Variants in BCAR3 observed in about 807,000 individuals in gnomAD.
The protein encoded by BCAR3 is breast cancer anti-estrogen resistance protein 3.
A neutral mutation model predicts 80.1 loss-of-function variants in BCAR3; 37 were observed. That is an observed-to-expected ratio of 0.46 (90% CI 0.36 to 0.61). The LOEUF (loss-of-function observed/expected upper bound fraction) is 0.61, where lower values mean the gene tolerates loss of function less well. BCAR3 is among the 20% of genes least tolerant of loss of function. BCAR3 has a pLI of 0.00. For missense variants in BCAR3, 978 were observed against 1,068.2 expected (o/e 0.92, Z 1.18); for synonymous variants, 389 against 418.9 (o/e 0.93, Z 0.87).
At chr1:93,776,740 C>G (rs1652565673) in intron 2 of BCAR3, among the ~76,000 whole-genome samples, 1 of 152,058 alleles carries the variant, frequency 6.6e-6, no homozygotes, top group African/African-American at 2.4e-5. Flanking sequence ...GTAGGTAGAT[C>G]TAGACTTACT....
In BCAR3 at chr1:93,608,553, A is replaced by G. The variant is rs1312539720; in HGVS notation, c.358-16160T>C. On this transcript the variant is annotated intron_variant, in intron 3 of 11. Transcript: ENST00000260502. ...TGTTTAGCATGGCCCATCCCTCTGC[A>G]GTCCTGGAGGTGCTGAATCCACTAA... is the stretch of plus-strand genomic sequence containing the variant. 4.6e-5 allele frequency among the ~76,000 whole-genome samples: 7 copies of G among 152,200 alleles called. No homozygotes were observed. The South Asian group carries it at 6.2e-4, about 13-fold the overall frequency.
At chr1:93,654,497 A>C (rs1266597095) in intron 2 of BCAR3, among the ~76,000 whole-genome samples, 1 of 152,156 alleles carries the variant, frequency 6.6e-6, no homozygotes, top group Non-Finnish European at 1.5e-5. Context: ...CAGAGCTGAC[A>C]TCCTAAGTGG....
intron 3 of BCAR3, among the ~76,000 whole-genome samples, chr1:93,603,916 T>C (rs192594259): frequency 6.6e-6 from 1 of 152,340 alleles, no homozygotes; most frequent in Admixed American, 6.5e-5. Context: ...GACAAAGAAA[T>C]TGGCAGCAGA....
intron 3 of BCAR3, among the ~76,000 whole-genome samples, chr1:93,630,098 T>C (rs1200442020): frequency 2.6e-5 from 4 of 152,208 alleles, no homozygotes; most frequent in African/African-American, 9.7e-5. Flanking sequence ...TACAATTGGA[T>C]TGTTTGTAAC....
At chr1:93,710,288 T>G (rs1156794273) in intron 2 of BCAR3, among the ~76,000 whole-genome samples, 1 of 152,232 alleles carries the variant, frequency 6.6e-6, no homozygotes, top group African/African-American at 2.4e-5. Flanking sequence ...AGCTCTCTGC[T>G]GGGCCTGGCT....
At chr1:93,768,959 G>A (rs1652253447) in intron 2 of BCAR3, among the ~76,000 whole-genome samples, 1 of 152,208 alleles carries the variant, frequency 6.6e-6, no homozygotes, top group South Asian at 2.1e-4. Context: ...CTGCCACCCT[G>A]CTCAAGGACA....
At chr1:93,633,626 G>T (rs1018523276) in intron 3 of BCAR3, among the ~76,000 whole-genome samples, 2 of 151,998 alleles carry the variant, frequency 1.3e-5, no homozygotes, top group African/African-American at 4.8e-5. Flanking sequence ...GAAATACAAG[G>T]CTTTAACTTG....
intron 2 of BCAR3, among the ~76,000 whole-genome samples, chr1:93,746,734 G>A (rs1481874837): frequency 6.6e-6 from 1 of 152,072 alleles, no homozygotes; most frequent in Non-Finnish European, 1.5e-5. Context: ...CTTTAAAGGT[G>A]ATCCACACTC....
intron 11 of BCAR3, among the ~76,000 whole-genome samples, chr1:93,565,685 T>C (rs1335816657): frequency 6.6e-6 from 1 of 152,198 alleles, no homozygotes; most frequent in Admixed American, 6.5e-5. Context: ...TGTGCTTTTA[T>C]TGTTTGAGTA....
At chr1:93,696,194 A>T (rs562915226) in intron 3 of BCAR3, among the ~76,000 whole-genome samples, 2 of 152,216 alleles carry the variant, frequency 1.3e-5, no homozygotes, top group South Asian at 4.2e-4. Flanking sequence ...CACTGTGCCC[A>T]GCTCTGCCTC....
At chr1:93,673,125 A>G (rs887819443) in intron 2 of BCAR3, among the ~76,000 whole-genome samples, 1 of 152,178 alleles carries the variant, frequency 6.6e-6, no homozygotes, top group Non-Finnish European at 1.5e-5. Context: ...ATCCTACCAA[A>G]AACGTACCAC....
At chr1:93,802,935 A>G (rs1406242968) in intron 2 of BCAR3, among the ~76,000 whole-genome samples, 1 of 152,152 alleles carries the variant, frequency 6.6e-6, no homozygotes, top group Non-Finnish European at 1.5e-5. Context: ...CAACCAACTA[A>G]TCGTGTTCAG....
chr1:93,734,409 G>T (rs1315529563), intron 2 of BCAR3, among the ~76,000 whole-genome samples: 1 of 152,226 alleles, frequency 6.6e-6, no homozygotes, highest in African/African-American at 2.4e-5. Context: ...TGAGCTGGAA[G>T]GAAATGGTGG....
intron 3 of BCAR3, among the ~76,000 whole-genome samples, chr1:93,694,600 T>C (rs1353617463): frequency 6.6e-6 from 1 of 152,180 alleles, no homozygotes; most frequent in Non-Finnish European, 1.5e-5. Flanking sequence ...TATGCCTTCT[T>C]AATATCAACC....
chr1:93,588,934 C>A, intron 5 of BCAR3, 43 bp downstream of exon 5: 2 of 1,504,438 alleles, frequency 1.3e-6, no homozygotes, highest in South Asian at 1.3e-5. Flanking sequence ...ACCTTGGGCA[C>A]CCCGGCGCCC....
chr1:93,582,541 GTCA>G lies in BCAR3; in HGVS notation c.1443_1445del (p.Asp482del). The G allele has an allele frequency of 6.2e-7, 1 of 1,613,630 alleles. No homozygotes were observed. Among genetic ancestry groups the G allele is most frequent in the Non-Finnish European group, 8.5e-7 (1 of 1,179,822 alleles). On this transcript the variant is annotated inframe_deletion, in exon 7 of 12. Transcript: ENST00000260502. ...CCGCAGGTTCCCAAGGTCTTTCCCT[GTCA>G]TCATCATCAAGGATCAAGTAGTTGA...
At chr1:93,644,754 G>A (rs111846875) in intron 2 of BCAR3, among the ~76,000 whole-genome samples, 189 of 152,324 alleles carry the variant, frequency 1.2e-3, no homozygotes, top group African/African-American at 4.1e-3. Context: ...CTGGAGCTAA[G>A]GTACCAGCCA....
chr1:93,655,016 T>C (rs1223286042), intron 2 of BCAR3, among the ~76,000 whole-genome samples: 1 of 152,238 alleles, frequency 6.6e-6, no homozygotes, highest in Non-Finnish European at 1.5e-5. Context: ...CCTCAGTGCT[T>C]TGCACATGGC....
At chr1:93,610,029 T>G (rs1674901989) in intron 3 of BCAR3, among the ~76,000 whole-genome samples, 1 of 152,206 alleles carries the variant, frequency 6.6e-6, no homozygotes. Context: ...GTTAAATGTC[T>G]GCAGAATGCC....
Sources: allele counts gnomAD v4.1 joint callset (sites outside exome capture counted in the v4.1 genomes callset), GRCh38; gene constraint gnomAD v4.1.1; transcripts MANE v1.5; gene names NCBI Gene and HGNC (gene_info 2026-07-23, HGNC 2026-07-21).